PCDHA8: variants seen among roughly 807,000 people sequenced by gnomAD.
The protein encoded by PCDHA8 is protocadherin alpha 8, also known as protocadherin alpha-8.
A neutral mutation model predicts 61.8 loss-of-function variants in PCDHA8; 53 were observed. That is an observed-to-expected ratio of 0.86 (90% CI 0.69 to 1.08). The LOEUF (loss-of-function observed/expected upper bound fraction) is 1.08, where lower values mean the gene tolerates loss of function less well. Ranked by LOEUF, PCDHA8 falls within the 50% of genes least tolerant of loss-of-function variation. The pLI is 0.00. For synonymous variants in PCDHA8, 618 were observed against 556.6 expected (o/e 1.11, Z -1.55); for missense variants, 1,293 against 1,245.0 (o/e 1.04, Z -0.58).
intron 1 of PCDHA8, among the ~76,000 whole-genome samples, chr5:140,907,507 T>C (rs1358466312): frequency 2.0e-5 from 3 of 152,230 alleles, no homozygotes; most frequent in Admixed American, 6.5e-5. Context: ...TAAGTGTCTA[T>C]TCCAGTGAGG....
At chr5:140,848,285 C>T in intron 1 of PCDHA8, 1 of 617,022 alleles carries the variant, frequency 1.6e-6, no homozygotes. Flanking sequence ...TGTACTTACA[C>T]TTTGGGCCAC....
intron 1 of PCDHA8, chr5:140,863,417 G>T (rs182048002): frequency 3.6e-5 from 25 of 701,046 alleles, no homozygotes; most frequent in South Asian, 3.2e-4. Flanking sequence ...CTGGTGTACC[G>T]CAGCGTAGTG....
At chr5:140,960,444 T>C in intron 1 of PCDHA8, among the ~76,000 whole-genome samples, 1 of 152,022 alleles carries the variant, frequency 6.6e-6, no homozygotes, top group Non-Finnish European at 1.5e-5. Context: ...TAGATATATG[T>C]ATGGATAATT....
chr5:140,950,473 G>T (rs2094486830), intron 1 of PCDHA8, among the ~76,000 whole-genome samples: 1 of 152,010 alleles, frequency 6.6e-6, no homozygotes, highest in African/African-American at 2.4e-5. Context: ...CATAGTTTCT[G>T]ATGAGAAGTG....
chr5:140,881,458 G>C (rs2058720447), intron 1 of PCDHA8: 1 of 671,966 alleles, frequency 1.5e-6, no homozygotes, highest in Non-Finnish European at 1.8e-6. Context: ...CAAAACCTTA[G>C]AGCATTGTTG....
chr5:140,881,283 A>T, intron 1 of PCDHA8: 1 of 799,388 alleles, frequency 1.3e-6, no homozygotes, highest in Non-Finnish European at 1.5e-6. Flanking sequence ...TAAGATGGAG[A>T]GAGAAAATGG....
chr5:140,961,776 A>G (rs1554225585), intron 1 of PCDHA8, among the ~76,000 whole-genome samples: 1 of 152,188 alleles, frequency 6.6e-6, no homozygotes, highest in African/African-American at 2.4e-5. Flanking sequence ...ATCAAGCTTA[A>G]TGGCACTTTT....
At chr5:140,948,752 C>T (rs246047) in intron 1 of PCDHA8, among the ~76,000 whole-genome samples, 85,413 of 151,184 alleles carry the variant, frequency 0.56, 24,715 homozygotes, top group African/African-American at 0.69. Context: ...ATCAATTTTG[C>T]TGATTTTTTT....
intron 1 of PCDHA8, among the ~76,000 whole-genome samples, chr5:140,973,856 C>G (rs1349378315): frequency 6.6e-6 from 1 of 152,166 alleles, no homozygotes; most frequent in Non-Finnish European, 1.5e-5. Context: ...CCAATTTTTG[C>G]TCTCAATGAG....
In PCDHA8 at chr5:141,010,200, C is replaced by T. The variant is rs1356287133; in HGVS notation, c.*263C>T. On this transcript the variant is annotated 3_prime_UTR_variant, in exon 4 of 4. Coordinates refer to ENST00000531613, the MANE Select transcript of PCDHA8 (RefSeq NM_018911.3). ...AGCAGACCCAAGTTTCCTTTCTCCTCCGCCGCAAAGGAGAGGCTTCCCAGC... is the reference window on the plus strand; with the variant it reads ...AGCAGACCCAAGTTTCCTTTCTCCTTCGCCGCAAAGGAGAGGCTTCCCAGC... The T allele has an allele frequency of 1.3e-6, 2 of 1,551,984 alleles. No individual in the cohort carries two copies. Among genetic ancestry groups the T allele is most frequent in the African/African-American group, 2.7e-5 (2 of 73,038 alleles).
At chr5:140,868,440 G>A (rs2050457998) in intron 1 of PCDHA8, 1 of 152,152 alleles carries the variant, frequency 6.6e-6, no homozygotes, top group Admixed American at 6.6e-5. Flanking sequence ...AGATCATGTG[G>A]AACATAAACA....
chr5:140,893,150 A>G (rs1398784015), intron 1 of PCDHA8, among the ~76,000 whole-genome samples: 1 of 152,066 alleles, frequency 6.6e-6, no homozygotes, highest in Non-Finnish European at 1.5e-5. Context: ...TCATCTGTTG[A>G]TGGATATTGA....
chr5:140,932,042 A>G (rs1419099942), intron 1 of PCDHA8, among the ~76,000 whole-genome samples: 1 of 151,970 alleles, frequency 6.6e-6, no homozygotes, highest in Non-Finnish European at 1.5e-5. Flanking sequence ...ATATTAACAT[A>G]GCCTGTAATA....
chr5:140,916,692 C>T (rs968252842), intron 1 of PCDHA8, among the ~76,000 whole-genome samples: 47 of 152,270 alleles, frequency 3.1e-4, no homozygotes, highest in African/African-American at 1.0e-3. Flanking sequence ...TCTTTTCTCT[C>T]CTCTCCTTAA....
chr5:140,926,797 T>C (rs2153584735), intron 1 of PCDHA8: 2 of 1,450,476 alleles, frequency 1.4e-6, no homozygotes, highest in Admixed American at 2.7e-5. Flanking sequence ...AGGAGCGTGC[T>C]CTTCCCCGCG....
At position 141,003,197 on chromosome 5, in the gene PCDHA8, C is replaced by T. The variant is rs77453404; in HGVS notation, c.2543-6430C>T. 6.7e-3 allele frequency among the ~76,000 whole-genome samples: 1,024 copies of T among 152,320 alleles called. 13 individuals are homozygous for T. Among genetic ancestry groups the T allele is most frequent in the African/African-American group, 0.024 (986 of 41,560 alleles). On this transcript the variant is annotated intron_variant, in intron 3 of 3. Transcript: ENST00000531613. ...GGCTCAACTCCATCAACTCAGGCAGCCAGGGTTAGTTTAGCATGAAAGAGG... is the reference window on the plus strand; with the variant it reads ...GGCTCAACTCCATCAACTCAGGCAGTCAGGGTTAGTTTAGCATGAAAGAGG...
Position 140,841,218 on chromosome 5 carries a change from C to T in PCDHA8, c.-104C>T. 7.0e-7 allele frequency: 1 copy of T among 1,431,458 alleles called. No individual in the cohort carries two copies. The highest frequency in any genetic ancestry group is 9.4e-7 in the Non-Finnish European group (1 of 1,061,112). The allele number at this position is 1,431,458 out of a possible 1,614,324, so 88.7% of individuals were successfully genotyped here. On this transcript the variant is annotated 5_prime_UTR_variant, in exon 1 of 4. Transcript: ENST00000531613. ...TCTGACAGCATCTGTCTCTAAAGGC[C>T]GAACAACGGGAGATGCAGCGGAATT...
intron 1 of PCDHA8, chr5:140,853,187 G>A: frequency 1.0e-6 from 1 of 979,936 alleles, no homozygotes; most frequent in Non-Finnish European, 1.2e-6. Flanking sequence ...CCTAAAATGT[G>A]TTCTTTATTA....
At chr5:140,879,743 C>A (rs553188333) in intron 1 of PCDHA8, among the ~76,000 whole-genome samples, 2 of 152,274 alleles carry the variant, frequency 1.3e-5, no homozygotes, top group South Asian at 2.1e-4. Context: ...AAGGTGTTGT[C>A]AAGGCTATAC....
Sources: allele counts gnomAD v4.1 joint callset (sites outside exome capture counted in the v4.1 genomes callset), GRCh38; gene constraint gnomAD v4.1.1; transcripts MANE v1.5; gene names NCBI Gene and HGNC (gene_info 2026-07-23, HGNC 2026-07-21).